PNLIPRP3: variants seen among roughly 807,000 people sequenced by gnomAD.
The protein encoded by PNLIPRP3 is pancreatic lipase-related protein 3.
PNLIPRP3 carries 58 observed loss-of-function variants against 52.8 expected under a neutral mutation model. The ratio of observed to expected loss-of-function variants is 1.10; its 90% CI spans 0.89 to 1.37. PNLIPRP3 has a LOEUF of 1.37. Ranked by LOEUF, PNLIPRP3 falls within the 40% of genes most tolerant of loss-of-function variation. The probability of loss-of-function intolerance (pLI) is 0.00; values close to 1 mark genes in which losing one functional copy is unlikely to be tolerated. For synonymous variants in PNLIPRP3, 192 were observed against 185.0 expected (o/e 1.04, Z -0.31); for missense variants, 593 against 561.6 (o/e 1.06, Z -0.57).
intron 1 of PNLIPRP3, among the ~76,000 whole-genome samples, chr10:116,430,296 A>G (rs947969243): frequency 6.6e-6 from 1 of 152,146 alleles, no homozygotes; most frequent in Admixed American, 6.6e-5. Context: ...GGTGGGCATG[A>G]AGATGTTGGA....
intron 5 of PNLIPRP3, 35 bp from the exon 6 acceptor site, chr10:116,460,931 T>C: frequency 6.2e-7 from 1 of 1,603,924 alleles, no homozygotes; most frequent in Non-Finnish European, 8.5e-7. Flanking sequence ...TAATGTGCAC[T>C]TCCATAGAAC....
intron 10 of PNLIPRP3, among the ~76,000 whole-genome samples, chr10:116,475,422 A>T (rs956184102): frequency 6.6e-6 from 1 of 151,970 alleles, no homozygotes; most frequent in Non-Finnish European, 1.5e-5. Flanking sequence ...GACCTTGTTT[A>T]AAAAAAATGT....
chr10:116,433,157 G>A (rs1373437179), intron 1 of PNLIPRP3, among the ~76,000 whole-genome samples: 1 of 131,960 alleles, frequency 7.6e-6, no homozygotes, highest in African/African-American at 2.8e-5. Flanking sequence ...GTCTTGGAGT[G>A]AGGAAGCCTT....
chr10:116,441,704 T>C (rs1167848753), intron 2 of PNLIPRP3, among the ~76,000 whole-genome samples: 1 of 152,156 alleles, frequency 6.6e-6, no homozygotes, highest in Non-Finnish European at 1.5e-5. Flanking sequence ...GTTAAGCACC[T>C]AACTTCAAAG....
rs111998308 is a variant in PNLIPRP3, at chr10:116,461,009, A to G, written c.609A>G (p.Glu203=). The change falls in exon 6 of 12, where the codon GAA becomes GAG. Residue 203 remains glutamate (E), a synonymous_variant. Transcript: ENST00000369230. ...CATTTTTCCACAACACTCCAAAGGAAGTCAGGCTAGACCCCTCGGATGCCA... is the reference window on the plus strand; with the variant it reads ...CATTTTTCCACAACACTCCAAAGGAGGTCAGGCTAGACCCCTCGGATGCCA... ...AGPFFHNTPK[E]VRLDPSDANF... is the part of the protein sequence containing the mutation. The G allele has an allele frequency of 3.7e-5, 59 of 1,613,370 alleles. No individual in the cohort carries two copies. In the African/African-American group the frequency reaches 6.9e-4, roughly 19 times the overall value.
In PNLIPRP3 at chr10:116,461,082, C is replaced by A. The variant is rs1323386621; in HGVS notation, c.682C>A (p.Leu228Ile). 1 of 1,614,040 alleles carries A rather than the reference C, an allele frequency of 6.2e-7. No individual in the cohort carries two copies. The highest frequency in any genetic ancestry group is 8.5e-7 in the Non-Finnish European group (1 of 1,180,050). ...AAATGCAGCTCGCATCCTCTTTGAGCTTGGTAAGTTTTAACAGAATCAGAA... is the reference window on the plus strand; with the variant it reads ...AAATGCAGCTCGCATCCTCTTTGAGATTGGTAAGTTTTAACAGAATCAGAA... ...HTNAARILFE[L>I]GVGTIDACGH... The change falls in exon 6 of 12, where the codon CTT becomes ATT. Residue 228 changes from leucine to isoleucine, a missense_variant. Transcript: ENST00000369230.
intron 1 of PNLIPRP3, among the ~76,000 whole-genome samples, chr10:116,432,846 G>A (rs1408398348): frequency 6.6e-6 from 1 of 151,980 alleles, no homozygotes; most frequent in African/African-American, 2.4e-5. Context: ...CAGGCACGGT[G>A]GCTCATGCCT....
At chr10:116,429,975 C>T (rs928629053) in intron 1 of PNLIPRP3, among the ~76,000 whole-genome samples, 23 of 152,244 alleles carry the variant, frequency 1.5e-4, no homozygotes, top group Non-Finnish European at 1.2e-4. Flanking sequence ...AAAGAAATAA[C>T]AGCATGTTTG....
intron 7 of PNLIPRP3, among the ~76,000 whole-genome samples, chr10:116,465,288 C>G (rs556250481): frequency 1.2e-4 from 19 of 152,024 alleles, no homozygotes; most frequent in Admixed American, 2.0e-4. Flanking sequence ...ACCTGCAATC[C>G]CAGCACTTTG....
intron 5 of PNLIPRP3, among the ~76,000 whole-genome samples, chr10:116,457,336 C>T (rs1373968856): frequency 1.3e-5 from 2 of 151,818 alleles, no homozygotes; most frequent in Non-Finnish European, 2.9e-5. Flanking sequence ...CTGCTGTGCT[C>T]TGTGTGCATG....
intron 1 of PNLIPRP3, among the ~76,000 whole-genome samples, chr10:116,431,956 T>C (rs553063167): frequency 8.5e-5 from 13 of 152,264 alleles, no homozygotes; most frequent in African/African-American, 3.1e-4. Context: ...CTGGACACCC[T>C]ATTTAAACTG....
At chr10:116,465,539 A>G (rs372365620) in intron 7 of PNLIPRP3, among the ~76,000 whole-genome samples, 2 of 149,402 alleles carry the variant, frequency 1.3e-5, no homozygotes, top group African/African-American at 5.0e-5. Context: ...CATCTAAAAA[A>G]AAAACAAAAC....
intron 9 of PNLIPRP3, 33 bp from the exon 10 acceptor site, chr10:116,471,735 C>A (rs1251853970): frequency 6.7e-7 from 1 of 1,495,028 alleles, no homozygotes; most frequent in Admixed American, 1.7e-5. Flanking sequence ...TTAACCCTTT[C>A]TCTCCCTTTC....
chr10:116,446,969 T>G (rs1201245314), intron 4 of PNLIPRP3, among the ~76,000 whole-genome samples: 1 of 152,128 alleles, frequency 6.6e-6, no homozygotes, highest in Non-Finnish European at 1.5e-5. Flanking sequence ...CTTGGAGCAC[T>G]GATAGAACCC....
At chr10:116,435,421 T>C (rs1378314868) in intron 1 of PNLIPRP3, among the ~76,000 whole-genome samples, 9 of 138,516 alleles carry the variant, frequency 6.5e-5, no homozygotes. Context: ...TGTTTAAATT[T>C]ATAATAGAAG....
intron 1 of PNLIPRP3, among the ~76,000 whole-genome samples, chr10:116,433,841 AG>A (rs150545328): frequency 0.071 from 10,879 of 152,252 alleles, 572 homozygotes; most frequent in East Asian, 0.17. Context: ...CTGCAGCCAA[AG>A]GATAACATGA....
chr10:116,430,477 G>A (rs549601414), intron 1 of PNLIPRP3, among the ~76,000 whole-genome samples: 1 of 152,300 alleles, frequency 6.6e-6, no homozygotes, highest in Non-Finnish European at 1.5e-5. Flanking sequence ...ACATTCAGCT[G>A]CACAGGTGTA....
At chr10:116,464,583 G>A (rs1846250530) in intron 7 of PNLIPRP3, among the ~76,000 whole-genome samples, 1 of 152,328 alleles carries the variant, frequency 6.6e-6, no homozygotes, top group Non-Finnish European at 1.5e-5. Context: ...TTCCACACGA[G>A]GCTGTGGCTG....
chr10:116,438,510 T>C (rs1845809719), intron 2 of PNLIPRP3, among the ~76,000 whole-genome samples: 1 of 152,190 alleles, frequency 6.6e-6, no homozygotes, highest in Non-Finnish European at 1.5e-5. Context: ...ATGTACACAC[T>C]ACTCTTTACT....
Sources: allele counts gnomAD v4.1 joint callset (sites outside exome capture counted in the v4.1 genomes callset), GRCh38; gene constraint gnomAD v4.1.1; transcripts MANE v1.5; gene names NCBI Gene and HGNC (gene_info 2026-07-23, HGNC 2026-07-21).